The following PRKCH variants were observed in gnomAD, a reference collection of about 807,000 sequenced individuals.
The protein encoded by PRKCH is protein kinase C eta type.
PRKCH carries 28 observed loss-of-function variants against 82.5 expected under a neutral mutation model. The ratio of observed to expected loss-of-function variants is 0.34; its 90% CI spans 0.25 to 0.47. PRKCH has a LOEUF of 0.47. PRKCH is among the 20% of genes least tolerant of loss of function. PRKCH has a pLI of 1.00. For synonymous variants in PRKCH, 322 were observed against 327.4 expected (o/e 0.98, Z 0.18); for missense variants, 705 against 881.8 (o/e 0.80, Z 2.54).
chr14:61,259,952 C>A lies in PRKCH; in HGVS notation c.-19+72284C>A, dbSNP rs79815040. Among the ~76,000 whole-genome samples, 327 of 152,264 alleles carry A rather than the reference C, an allele frequency of 2.1e-3. 12 individuals carry two copies. The East Asian group carries it at 0.057, about 27-fold the overall frequency. ...TAAATTTGGCGTATAAGTGACCGAG[C>A]CTTCATCTGGACCAGAGGGTTCACA... is the stretch of plus-strand genomic sequence containing the variant. On this transcript the variant is annotated intron_variant, in intron 1 of 3. Transcript: ENST00000555185.
intron 2 of PRKCH, among the ~76,000 whole-genome samples, chr14:61,394,510 T>C (rs1029787860): frequency 1.3e-5 from 2 of 152,142 alleles, no homozygotes; most frequent in Admixed American, 1.3e-4. Context: ...GAGGAGTGGG[T>C]AAGATTCTCT....
intron 2 of PRKCH, among the ~76,000 whole-genome samples, chr14:61,423,571 C>T (rs751314099): frequency 1.3e-5 from 2 of 152,140 alleles, no homozygotes; most frequent in Non-Finnish European, 2.9e-5. Context: ...AGTGAGAAGC[C>T]ATTCCAAGTG....
chr14:61,287,281 T>G (rs2045323932), intron 1 of PRKCH, among the ~76,000 whole-genome samples: 1 of 145,472 alleles, frequency 6.9e-6, no homozygotes, highest in Non-Finnish European at 1.5e-5. Context: ...GTGGGTAGAG[T>G]TTGGCTGTAG....
chr14:61,255,100 C>A (rs1189954832), intron 1 of PRKCH, among the ~76,000 whole-genome samples: 1 of 152,190 alleles, frequency 6.6e-6, no homozygotes. Context: ...AGGATTAGGG[C>A]TGGAGTTGTG....
intron 1 of PRKCH, among the ~76,000 whole-genome samples, chr14:61,256,949 A>G (rs1284783324): frequency 6.6e-6 from 1 of 152,188 alleles, no homozygotes; most frequent in Non-Finnish European, 1.5e-5. Flanking sequence ...AGATTCCTTC[A>G]CTGTGTTTAT....
At chr14:61,512,209 A>G (rs1887407346) in intron 10 of PRKCH, among the ~76,000 whole-genome samples, 1 of 149,002 alleles carries the variant, frequency 6.7e-6, no homozygotes, top group Non-Finnish European at 1.5e-5. Context: ...ACAGGATTTC[A>G]TATACTACAT....
At chr14:61,329,234 C>CTTTTTTTTTTTTTTTTTTTTTTT (rs71117812) in intron 1 of PRKCH, among the ~76,000 whole-genome samples, 1 of 63,468 alleles carries the variant, frequency 1.6e-5, no homozygotes, top group African/African-American at 6.8e-5. Flanking sequence ...ACTCCTGAGT[C>CTTTTTTTTTTTTTTTTTTTTTTT]TTTTTTTTTT....
intron 10 of PRKCH, among the ~76,000 whole-genome samples, chr14:61,526,082 A>G (rs894746111): frequency 1.3e-5 from 2 of 152,204 alleles, no homozygotes; most frequent in African/African-American, 4.8e-5. Context: ...CAGGACCACG[A>G]TCATCCTCAC....
rs1017181725 is a variant in PRKCH at position 61,508,562 on chromosome 14, G to T, written c.1434-20513G>T. Among the ~76,000 whole-genome samples the T allele has an allele frequency of 4.6e-5, 7 of 152,108 alleles. No individual in the cohort carries two copies. The East Asian group carries it at 1.3e-3, about 29-fold the overall frequency. On this transcript the variant is annotated intron_variant, in intron 10 of 13. Coordinates refer to ENST00000332981, the MANE Select transcript of PRKCH (RefSeq NM_006255.5). The stretch of plus-strand genomic sequence containing the variant: ...AAAGCGCTTCCTTTTGTATGTTCTG[G>T]TCAGTCTTCTGCGGGAGGAGGATGT...
intron 10 of PRKCH, among the ~76,000 whole-genome samples, chr14:61,494,429 T>G (rs1478584976): frequency 6.6e-6 from 1 of 152,252 alleles, no homozygotes; most frequent in Admixed American, 6.5e-5. Flanking sequence ...TGTGTGACGC[T>G]ACATATATTC....
intron 2 of PRKCH, among the ~76,000 whole-genome samples, chr14:61,399,072 T>C (rs1329451888): frequency 6.6e-6 from 1 of 152,178 alleles, no homozygotes. Context: ...TAAAAATATT[T>C]ACTGATGATA....
In PRKCH at chr14:61,453,003, T is replaced by C. The variant is rs758462271; in HGVS notation, c.833-223T>C. The C allele has an allele frequency of 7.0e-6, 4 of 571,618 alleles. No homozygotes were observed. The Admixed American group carries it at 1.0e-4, about 14-fold the overall frequency. 35.4% of individuals were successfully genotyped at this position (571,618 alleles called of 1,614,324 possible). Reference sequence around the variant, plus strand: ...TGGTGGAAAAAATGTATTTGAAATATATTATTCTTTAGTATGCTTGCCTTT... The same window carrying C: ...TGGTGGAAAAAATGTATTTGAAATACATTATTCTTTAGTATGCTTGCCTTT... On this transcript the variant is annotated intron_variant, in intron 6 of 13. Transcript: ENST00000332981.
chr14:61,220,224 G>A (rs1244710433), intron 1 of PRKCH, among the ~76,000 whole-genome samples: 1 of 152,158 alleles, frequency 6.6e-6, no homozygotes. Flanking sequence ...GCTCCTGATC[G>A]CCTTCATCCA....
At chr14:61,274,112 G>A (rs2140087747) in intron 1 of PRKCH, among the ~76,000 whole-genome samples, 1 of 152,352 alleles carries the variant, frequency 6.6e-6, no homozygotes, top group South Asian at 2.1e-4. Context: ...TAGGGCATGG[G>A]AGAGGCAAAG....
chr14:61,192,018 T>TTGTG (rs67540297), intron 1 of PRKCH, among the ~76,000 whole-genome samples: 5,302 of 148,636 alleles, frequency 0.036, 116 homozygotes, highest in Middle Eastern at 0.086. Flanking sequence ...TCCTAAAACA[T>TTGTG]TGTGTGTGTG....
chr14:61,539,299 T>A (rs2043151583), intron 12 of PRKCH, among the ~76,000 whole-genome samples: 2 of 152,180 alleles, frequency 1.3e-5, no homozygotes, highest in South Asian at 4.1e-4. Flanking sequence ...GAATTGAGTA[T>A]GTGCTTATGA....
At chr14:61,318,511 C>T (rs573447903), upstream of PRKCH, among the ~76,000 whole-genome samples, 8 of 151,658 alleles carry the variant, frequency 5.3e-5, no homozygotes, top group Admixed American at 6.6e-5. Flanking sequence ...TGTCTCATGC[C>T]GTTTCTTAAC....
chr14:61,541,280 G>A (rs1005539098), intron 12 of PRKCH, among the ~76,000 whole-genome samples: 2 of 152,272 alleles, frequency 1.3e-5, no homozygotes, highest in African/African-American at 2.4e-5. Flanking sequence ...CCTGCAACAC[G>A]CATGCGTGGT....
chr14:61,362,850 G>T (rs994917476), intron 1 of PRKCH, among the ~76,000 whole-genome samples: 54 of 152,308 alleles, frequency 3.5e-4, no homozygotes, highest in African/African-American at 1.2e-3. Context: ...TATCCTGAAG[G>T]GGATGTGGAC....
Sources: allele counts gnomAD v4.1 joint callset (sites outside exome capture counted in the v4.1 genomes callset), GRCh38; gene constraint gnomAD v4.1.1; transcripts MANE v1.5; gene names NCBI Gene and HGNC (gene_info 2026-07-23, HGNC 2026-07-21).